The following VWA8 variants were observed in gnomAD, a reference collection of about 807,000 sequenced individuals.
VWA8 encodes the protein von Willebrand factor A domain containing 8.
In VWA8, 221 loss-of-function variants were observed where a neutral mutation model predicts 241.5. That is an observed-to-expected ratio of 0.91 (90% CI 0.82 to 1.02). The LOEUF is 1.02. Ranked by LOEUF, VWA8 falls within the 50% of genes least tolerant of loss-of-function variation. The pLI is 0.00. For synonymous variants in VWA8, 852 were observed against 827.1 expected (o/e 1.03, Z -0.52); for missense variants, 2,322 against 2,328.7 (o/e 1.00, Z 0.06).
At chr13:41,885,830 A>G in intron 8 of VWA8, 90 bp downstream of exon 8, 1 of 906,850 alleles carries the variant, frequency 1.1e-6, no homozygotes, top group Non-Finnish European at 1.7e-6. Context: ...GAGTATGACA[A>G]AAGCAAACTG....
At chr13:41,696,203 A>G (rs1049040972) in intron 29 of VWA8, 1 of 152,226 alleles carries the variant, frequency 6.6e-6, no homozygotes, top group Admixed American at 6.5e-5. Flanking sequence ...ATGTTTATAA[A>G]TTCTGCTCCT....
At chr13:41,707,369 C>A in intron 26 of VWA8, among the ~76,000 whole-genome samples, 1 of 152,142 alleles carries the variant, frequency 6.6e-6, no homozygotes, top group East Asian at 1.9e-4. Flanking sequence ...AGATTTGGAT[C>A]TTTCTAGGGG....
chr13:41,601,237 T>C (rs1363453615), intron 40 of VWA8, among the ~76,000 whole-genome samples: 7 of 152,146 alleles, frequency 4.6e-5, no homozygotes, highest in Non-Finnish European at 8.8e-5. Flanking sequence ...GTACTTACCA[T>C]ATTAAATGGA....
At chr13:41,912,900 G>A (rs1374950516) in intron 2 of VWA8, among the ~76,000 whole-genome samples, 1 of 152,032 alleles carries the variant, frequency 6.6e-6, no homozygotes, top group Non-Finnish European at 1.5e-5. Context: ...GTTTGGTTTT[G>A]CTCATATGTA....
intron 12 of VWA8, among the ~76,000 whole-genome samples, chr13:41,835,996 G>C (rs1871709127): frequency 6.6e-6 from 1 of 152,108 alleles, no homozygotes; most frequent in South Asian, 2.1e-4. Flanking sequence ...ATAAACTTAA[G>C]CTCCACTATC....
chr13:41,692,991 G>A lies in VWA8; in HGVS notation c.3565-19C>T. 1 of 1,427,894 alleles carries A rather than the reference G, an allele frequency of 7.0e-7. No individual in the cohort carries two copies. Among genetic ancestry groups the A allele is most frequent in the South Asian group, 1.2e-5 (1 of 80,778 alleles). 88.5% of individuals were successfully genotyped at this position (1,427,894 alleles called of 1,614,324 possible). ...CATTACTCTGCAAATGATAAAAACAGTGAAAAGCTCAAGATTTGTTCTTTT... is the reference window on the plus strand; with the variant it reads ...CATTACTCTGCAAATGATAAAAACAATGAAAAGCTCAAGATTTGTTCTTTT... On this transcript the variant is annotated intron_variant, in intron 29 of 44. Coordinates refer to ENST00000379310, the MANE Select transcript of VWA8 (RefSeq NM_015058.2).
chr13:41,712,794 C>T (rs2045326855), intron 26 of VWA8, among the ~76,000 whole-genome samples: 2 of 151,742 alleles, frequency 1.3e-5, no homozygotes, highest in Non-Finnish European at 2.9e-5. Context: ...ATGTACATAC[C>T]CCAAAACCTA....
Position 41,830,518 on chromosome 13 carries a change from C to T in VWA8, c.1700+11G>A. 6.2e-7 allele frequency: 1 copy of T among 1,605,726 alleles called. No homozygotes were observed. Among genetic ancestry groups the T allele is most frequent in the Non-Finnish European group, 8.5e-7 (1 of 1,173,414 alleles). ...ATAAATTAGCAATGGGAGTAATGGA[C>T]CCCAAATTACCTCTTCTGTAGCTGT... On this transcript the variant is annotated intron_variant, in intron 14 of 44. Transcript: ENST00000379310.
intron 37 of VWA8, among the ~76,000 whole-genome samples, chr13:41,645,508 T>C (rs1566400306): frequency 6.6e-6 from 1 of 152,212 alleles, no homozygotes; most frequent in African/African-American, 2.4e-5. Flanking sequence ...CCTAACTCAC[T>C]CAGTGTTCTG....
chr13:41,717,340 A>G (rs2045354344), intron 26 of VWA8, among the ~76,000 whole-genome samples: 1 of 151,938 alleles, frequency 6.6e-6, no homozygotes, highest in Admixed American at 6.6e-5. Context: ...TTTAAAAATC[A>G]AATAGATATG....
At chr13:41,805,433 G>T (rs1000895823) in intron 17 of VWA8, among the ~76,000 whole-genome samples, 2 of 152,124 alleles carry the variant, frequency 1.3e-5, no homozygotes, top group African/African-American at 2.4e-5. Flanking sequence ...AAATATTTTT[G>T]AGCAAAAGAG....
Position 41,940,195 on chromosome 13 carries a change from G to C in VWA8, c.241+9741C>G, listed in dbSNP as rs186592146. Among the ~76,000 whole-genome samples, 265 of 152,214 alleles carry C rather than the reference G, an allele frequency of 1.7e-3. 1 individual carries two copies. Among genetic ancestry groups the C allele is most frequent in the African/African-American group, 6.1e-3 (253 of 41,532 alleles). Reference sequence around the variant, plus strand: ...GGCTATGAACTGAAAGTTTCAGAGAGGATAATAATTGCTGAAGTCCCTTTC... The same window carrying C: ...GGCTATGAACTGAAAGTTTCAGAGACGATAATAATTGCTGAAGTCCCTTTC... On this transcript the variant is annotated intron_variant, in intron 2 of 44. Transcript: ENST00000379310.
chr13:41,864,003 G>A lies in VWA8; in HGVS notation c.1425+1733C>T, dbSNP rs187430815. 7.4e-4 allele frequency among the ~76,000 whole-genome samples: 113 copies of A among 152,118 alleles called. 1 individual carries two copies. The South Asian group carries it at 0.012, about 17-fold the overall frequency. On this transcript the variant is annotated intron_variant, in intron 12 of 44. Coordinates refer to ENST00000379310, the MANE Select transcript of VWA8 (RefSeq NM_015058.2). ...TAAGACAGACATGGGTAAGGGTCTC[G>A]AATAGGTATTTCTCCAAAGAAGATA...
At chr13:41,668,498 G>T (rs559869557) in intron 37 of VWA8, among the ~76,000 whole-genome samples, 37 of 152,242 alleles carry the variant, frequency 2.4e-4, no homozygotes, top group African/African-American at 7.9e-4. Flanking sequence ...GATCTGTGCT[G>T]AATAAAGAGT....
At chr13:41,950,087 G>C (rs942796823) in intron 1 of VWA8, 74 bp from the exon 2 acceptor site, 4 of 863,570 alleles carry the variant, frequency 4.6e-6, no homozygotes, top group Non-Finnish European at 5.3e-6. Flanking sequence ...AACAATGCTT[G>C]TCCTGACCTA....
intron 32 of VWA8, 124 bp downstream of exon 32, chr13:41,691,196 C>G: frequency 8.1e-7 from 1 of 1,228,104 alleles, no homozygotes; most frequent in Non-Finnish European, 1.1e-6. Flanking sequence ...TATAGAGATG[C>G]TGCCAAACAC....
intron 10 of VWA8, among the ~76,000 whole-genome samples, chr13:41,866,407 ATGTG>A (rs567226376): frequency 3.7e-4 from 55 of 149,334 alleles, no homozygotes; most frequent in African/African-American, 1.0e-3. Flanking sequence ...GTGTGTGTAT[ATGTG>A]TGTGTGTGTG....
chr13:41,884,017 T>G (rs976664294), intron 8 of VWA8, among the ~76,000 whole-genome samples: 3 of 152,224 alleles, frequency 2.0e-5, no homozygotes, highest in Admixed American at 6.5e-5. Context: ...TTTAAAAGTC[T>G]GTTGACAAGA....
chr13:41,694,031 A>G (rs1389596329), intron 29 of VWA8, among the ~76,000 whole-genome samples: 1 of 151,986 alleles, frequency 6.6e-6, no homozygotes, highest in Non-Finnish European at 1.5e-5. Context: ...GAATTAATAA[A>G]AACCTTGAAA....
Sources: gnomAD v4.1 joint callset for allele counts (sites outside exome capture counted in the v4.1 genomes callset) on GRCh38, gnomAD v4.1.1 for gene constraint, MANE v1.5 for transcripts, NCBI Gene and HGNC (gene_info 2026-07-23, HGNC 2026-07-21) for gene names.